Variants in WDR37 observed in about 807,000 individuals in gnomAD.
WDR37 encodes WD repeat-containing protein 37.
WDR37 carries 19 observed loss-of-function variants against 62.9 expected under a neutral mutation model. That is an observed-to-expected ratio of 0.30 (90% CI 0.21 to 0.44). The LOEUF (loss-of-function observed/expected upper bound fraction) is 0.44. Among genes scored for constraint, WDR37 ranks in the 20% least tolerant of loss-of-function variants. The pLI is 1.00. For synonymous variants in WDR37, 250 were observed against 260.9 expected, an observed-to-expected ratio of 0.96 and a Z score of 0.40; for missense variants, 474 against 657.6, an observed-to-expected ratio of 0.72 and a Z score of 3.05.
intron 11 of WDR37, among the ~76,000 whole-genome samples, chr10:1,116,068 A>T (rs1835384506): frequency 6.6e-6 from 1 of 152,208 alleles, no homozygotes; most frequent in Non-Finnish European, 1.5e-5. Context: ...TACTCCACTC[A>T]GGTGAGGCCA....
chr10:1,099,628 G>A (rs900963400), intron 9 of WDR37, among the ~76,000 whole-genome samples: 6 of 152,336 alleles, frequency 3.9e-5, no homozygotes, highest in African/African-American at 1.2e-4. Flanking sequence ...ATTATGTAGC[G>A]CATAACACTG....
At chr10:1,078,583 G>T (rs1175192053) in intron 3 of WDR37, among the ~76,000 whole-genome samples, 1 of 152,186 alleles carries the variant, frequency 6.6e-6, no homozygotes, top group Non-Finnish European at 1.5e-5. Flanking sequence ...TCTGGTTTTA[G>T]ATCTATCCGC....
intron 5 of WDR37, among the ~76,000 whole-genome samples, chr10:1,081,436 A>G (rs985920255): frequency 5.3e-5 from 8 of 152,288 alleles, no homozygotes; most frequent in African/African-American, 1.9e-4. Flanking sequence ...TTATTTTTCC[A>G]ATTTGTTTCC....
intron 2 of WDR37, among the ~76,000 whole-genome samples, chr10:1,076,398 G>A (rs536806410): frequency 2.0e-5 from 3 of 152,036 alleles, no homozygotes; most frequent in South Asian, 2.1e-4. Context: ...TTTACAACTC[G>A]GCCACGCGCG....
chr10:1,102,044 G>T (rs534726556), intron 9 of WDR37, among the ~76,000 whole-genome samples: 6 of 142,098 alleles, frequency 4.2e-5, no homozygotes, highest in African/African-American at 8.1e-5. Context: ...TGTGACGTGC[G>T]TTCCCTTGCT....
chr10:1,099,767 A>C (rs74117831), intron 9 of WDR37, among the ~76,000 whole-genome samples: 11,959 of 142,918 alleles, frequency 0.084, 503 homozygotes, highest in East Asian at 0.11. Flanking sequence ...TGTGGCGGAG[A>C]CGTGAGGAGG....
intron 6 of WDR37, among the ~76,000 whole-genome samples, chr10:1,084,851 C>T (rs1263404311): frequency 6.6e-6 from 1 of 152,206 alleles, no homozygotes; most frequent in Admixed American, 6.5e-5. Context: ...TTTCCAGGTC[C>T]CCGTGGGTAG....
chr10:1,113,399 CA>C (rs1589117808), intron 11 of WDR37, among the ~76,000 whole-genome samples: 2 of 152,328 alleles, frequency 1.3e-5, no homozygotes, highest in East Asian at 3.9e-4. Context: ...CCTGGTAACA[CA>C]ACCCCCATTC....
chr10:1,078,321 A>T (rs1019831386), intron 3 of WDR37, among the ~76,000 whole-genome samples: 1 of 152,252 alleles, frequency 6.6e-6, no homozygotes, highest in Non-Finnish European at 1.5e-5. Flanking sequence ...CCATCATTTG[A>T]AAATTGATGC....
chr10:1,096,500 C>T (rs115275157), intron 9 of WDR37: 76 of 523,986 alleles, frequency 1.5e-4, no homozygotes, highest in Non-Finnish European at 2.3e-4. Flanking sequence ...CTGTCACTCT[C>T]CGTGTCACGT....
chr10:1,061,288 C>A (rs1242656439), intron 1 of WDR37, among the ~76,000 whole-genome samples: 1 of 152,170 alleles, frequency 6.6e-6, no homozygotes, highest in Non-Finnish European at 1.5e-5. Context: ...CCATGGTATA[C>A]CATTTCAGTA....
intron 1 of WDR37, among the ~76,000 whole-genome samples, chr10:1,066,306 C>T (rs910124908): frequency 3.9e-5 from 6 of 152,206 alleles, no homozygotes; most frequent in African/African-American, 7.2e-5. Flanking sequence ...TTAGTAGAGA[C>T]GGGGTTTCAC....
chr10:1,120,972 A>G (rs909827594), intron 11 of WDR37, among the ~76,000 whole-genome samples: 7 of 152,118 alleles, frequency 4.6e-5, no homozygotes, highest in Non-Finnish European at 7.4e-5. Context: ...GTGTGCGGCG[A>G]GGAGGTGCTG....
intron 9 of WDR37, among the ~76,000 whole-genome samples, chr10:1,101,754 G>A (rs1834811849): frequency 6.6e-6 from 1 of 152,116 alleles, no homozygotes; most frequent in Non-Finnish European, 1.5e-5. Flanking sequence ...CGGGAATGTT[G>A]TTCCTCAGCC....
chr10:1,124,470 C>T (rs1730338536), intron 12 of WDR37, 118 bp downstream of exon 12: 10 of 1,375,164 alleles, frequency 7.3e-6, no homozygotes, highest in Non-Finnish European at 1.0e-5. Flanking sequence ...ATGGTTTAGG[C>T]TCCTTTGTCC....
At chr10:1,089,675 C>T (rs1564503221) in intron 7 of WDR37, among the ~76,000 whole-genome samples, 2 of 150,616 alleles carry the variant, frequency 1.3e-5, no homozygotes, top group African/African-American at 4.9e-5. Flanking sequence ...TTCGGCCTTC[C>T]CGTGCTCACC....
chr10:1,108,739 G>GTCCC (rs1835105576), intron 11 of WDR37, among the ~76,000 whole-genome samples: 7 of 111,870 alleles, frequency 6.3e-5, no homozygotes, highest in Admixed American at 2.8e-4. Context: ...CTTCTGTGAT[G>GTCCC]CCCCCCCCCC....
intron 1 of WDR37, among the ~76,000 whole-genome samples, chr10:1,058,726 G>A (rs1008115736): frequency 6.6e-6 from 1 of 152,162 alleles, no homozygotes; most frequent in Non-Finnish European, 1.5e-5. Context: ...TTCTGAGGTT[G>A]CCTGTAGAGA....
intron 1 of WDR37, among the ~76,000 whole-genome samples, chr10:1,067,105 T>A (rs1302808136): frequency 6.6e-6 from 1 of 152,064 alleles, no homozygotes; most frequent in Non-Finnish European, 1.5e-5. Context: ...TGTAGATCGG[T>A]GGAACAGAAT....
Sources: gnomAD v4.1 joint callset for allele counts (sites outside exome capture counted in the v4.1 genomes callset) on GRCh38, gnomAD v4.1.1 for gene constraint, MANE v1.5 for transcripts, NCBI Gene and HGNC (gene_info 2026-07-23, HGNC 2026-07-21) for gene names.